The following SLC25A12 variants were observed in gnomAD, a reference collection of about 807,000 sequenced individuals.
SLC25A12 encodes electrogenic aspartate/glutamate antiporter SLC25A12, mitochondrial.
In SLC25A12, 32 loss-of-function variants were observed where a neutral mutation model predicts 83.3. The ratio of observed to expected loss-of-function variants is 0.38; its 90% confidence interval spans 0.29 to 0.52. The LOEUF (loss-of-function observed/expected upper bound fraction) is 0.52, where lower values mean the gene tolerates loss of function less well. Ranked by LOEUF, SLC25A12 falls within the 20% of genes least tolerant of loss-of-function variation. The pLI is 0.84. For synonymous variants in SLC25A12, 267 were observed against 291.1 expected, an observed-to-expected ratio of 0.92 and a Z score of 0.84; for missense variants, 611 against 835.6, an observed-to-expected ratio of 0.73 and a Z score of 3.31.
At chr2:171,860,592 ACT>A (rs1397964023) in intron 3 of SLC25A12, among the ~76,000 whole-genome samples, 8 of 152,034 alleles carry the variant, frequency 5.3e-5, no homozygotes, top group African/African-American at 1.9e-4. Context: ...ACAGAGACAC[ACT>A]CTGTCTCACA....
At chr2:171,813,548 A>G (rs776559247) in intron 10 of SLC25A12, 51 bp from the exon 11 acceptor site, 206 of 1,567,642 alleles carry the variant, frequency 1.3e-4, no homozygotes, top group Non-Finnish European at 1.8e-4. Context: ...TTAAATGGAG[A>G]GTCCATAAGG....
At chr2:171,864,063 T>C (rs1310408068) in intron 3 of SLC25A12, among the ~76,000 whole-genome samples, 1 of 152,240 alleles carries the variant, frequency 6.6e-6, no homozygotes, top group Non-Finnish European at 1.5e-5. Context: ...GACACCAATC[T>C]TTCTACTTTA....
In SLC25A12 at chr2:171,798,891, T is replaced by C. The variant is rs140082205; in HGVS notation, c.1306-5124A>G. 8.1e-3 allele frequency among the ~76,000 whole-genome samples: 1,236 copies of C among 152,326 alleles called. 27 individuals are homozygous for C. The highest frequency in any genetic ancestry group is 0.028 in the African/African-American group (1,169 of 41,564). ...CCCACAATGCATATGTTGGAACTAA[T>C]ATCCAACATTATAGTATTAAGAAGT... On this transcript the variant is annotated intron_variant, in intron 13 of 17. Transcript: ENST00000422440.
chr2:171,803,024 C>G (rs1269833509), intron 13 of SLC25A12, among the ~76,000 whole-genome samples: 1 of 151,176 alleles, frequency 6.6e-6, no homozygotes, highest in Non-Finnish European at 1.5e-5. Flanking sequence ...AGAGCATGTA[C>G]ACATGTATAT....
chr2:171,824,711 C>T (rs1464576742), intron 9 of SLC25A12, among the ~76,000 whole-genome samples: 1 of 151,856 alleles, frequency 6.6e-6, no homozygotes, highest in African/African-American at 2.4e-5. Context: ...TTTTATTAAA[C>T]ATAATTTTAT....
intron 2 of SLC25A12, among the ~76,000 whole-genome samples, chr2:171,876,543 T>TGGGC (rs1553477081): frequency 0.015 from 455 of 29,496 alleles, 26 homozygotes; most frequent in East Asian, 0.051. Context: ...TTTTTTTTTT[T>TGGGC]GGGGGGGGGG....
chr2:171,811,115 C>T (rs1430268685), intron 11 of SLC25A12, among the ~76,000 whole-genome samples: 1 of 152,154 alleles, frequency 6.6e-6, no homozygotes, highest in East Asian at 1.9e-4. Context: ...TTTAAAGATG[C>T]TAACAATAAA....
At chr2:171,890,429 G>A (rs1301525375) in intron 2 of SLC25A12, among the ~76,000 whole-genome samples, 1 of 151,942 alleles carries the variant, frequency 6.6e-6, no homozygotes, top group Non-Finnish European at 1.5e-5. Flanking sequence ...CTTTTACTTG[G>A]TAACTATCCT....
At chr2:171,878,838 A>C (rs1685624731) in intron 2 of SLC25A12, among the ~76,000 whole-genome samples, 1 of 152,236 alleles carries the variant, frequency 6.6e-6, no homozygotes, top group African/African-American at 2.4e-5. Context: ...TACTGAGTAT[A>C]TGAAGCTAGT....
At chr2:171,811,639 T>G (rs1260217803) in intron 11 of SLC25A12, among the ~76,000 whole-genome samples, 1 of 152,182 alleles carries the variant, frequency 6.6e-6, no homozygotes, top group East Asian at 1.9e-4. Context: ...ACAGGACTCC[T>G]ACAATCTTCT....
At chr2:171,789,421 G>T (rs375705617) in intron 15 of SLC25A12, among the ~76,000 whole-genome samples, 4 of 152,024 alleles carry the variant, frequency 2.6e-5, no homozygotes, top group Non-Finnish European at 4.4e-5. Flanking sequence ...GTAGAGACGG[G>T]GTTTCACCGT....
At chr2:171,833,122 G>A (rs1249706833) in intron 8 of SLC25A12, among the ~76,000 whole-genome samples, 3 of 152,058 alleles carry the variant, frequency 2.0e-5, no homozygotes, top group Non-Finnish European at 4.4e-5. Context: ...AGCTTCAAAT[G>A]ATCATGCAGC....
Position 171,791,544 on chromosome 2 carries a change from A to G in SLC25A12, c.1492T>C (p.Tyr498His), listed in dbSNP as rs1174844861. 6.2e-7 allele frequency: 1 copy of G among 1,613,740 alleles called. No homozygotes were observed. Among genetic ancestry groups the G allele is most frequent in the African/African-American group, 1.3e-5 (1 of 75,058 alleles). Residue 498 changes from tyrosine to histidine, a missense_variant, in exon 15 of 18, where the codon TAT (tyrosine) becomes CAT (histidine). Physicochemically the swap from Tyr to His is moderately conservative, Grantham distance 83. Around this residue, in one of 3 missense-constraint regions of SLC25A12, gnomAD observed 540 missense variants for 777.5 expected, o/e 0.69. Transcript: ENST00000422440. ...TTGCAATGAGCATAAACAGGAAAAT[A>G]GATTGCAGAGAAGGGAATGTCTCGG... The part of the protein sequence containing the change: ...FLRDIPFSAI[Y>H]FPVYAHCKLL...
chr2:171,788,155 C>A, intron 15 of SLC25A12: 2 of 549,468 alleles, frequency 3.6e-6, no homozygotes, highest in East Asian at 3.1e-5. Context: ...TTATTTTTTC[C>A]TGAATTAAAA....
intron 3 of SLC25A12, among the ~76,000 whole-genome samples, chr2:171,866,726 C>T (rs994300201): frequency 7.9e-5 from 11 of 139,632 alleles, no homozygotes; most frequent in Admixed American, 2.8e-4. Context: ...CAGAGGCGCC[C>T]CTCACCTCCC....
At position 171,849,183 on chromosome 2, in the gene SLC25A12, G is replaced by A. The variant is rs181090190; in HGVS notation, c.326-4675C>T. On this transcript the variant is annotated intron_variant, in intron 4 of 17. Coordinates refer to ENST00000422440, the MANE Select transcript of SLC25A12 (RefSeq NM_003705.5). ...CCACCCTGGGCGACACAGCAAGACC[G>A]TGTCTCAAAATTAATAAATAAATAC... Among the ~76,000 whole-genome samples the A allele has an allele frequency of 6.6e-5, 10 of 151,904 alleles. No homozygotes were observed. The South Asian group carries it at 8.3e-4, about 13-fold the overall frequency.
intron 2 of SLC25A12, among the ~76,000 whole-genome samples, chr2:171,878,458 T>C (rs886202315): frequency 6.6e-6 from 1 of 152,226 alleles, no homozygotes; most frequent in African/African-American, 2.4e-5. Context: ...GCTTAGTGAA[T>C]TCTTCTGCTT....
chr2:171,889,136 C>A (rs867659366), intron 2 of SLC25A12, among the ~76,000 whole-genome samples: 1 of 152,182 alleles, frequency 6.6e-6, no homozygotes, highest in Non-Finnish European at 1.5e-5. Context: ...AGCCCCTGAT[C>A]CTCTGCCTTG....
At chr2:171,889,638 C>CT (rs1188308101) in intron 2 of SLC25A12, among the ~76,000 whole-genome samples, 2 of 152,106 alleles carry the variant, frequency 1.3e-5, no homozygotes, top group African/African-American at 4.8e-5. Flanking sequence ...TGTAAAGAAA[C>CT]TTTTTAAATT....
Sources: gnomAD v4.1 joint callset for allele counts (sites outside exome capture counted in the v4.1 genomes callset) on GRCh38, gnomAD v4.1.1 for gene constraint, gnomAD v4.1.1 regional missense constraint, MANE v1.5 for transcripts, NCBI Gene and HGNC (gene_info 2026-07-23, HGNC 2026-07-21) for gene names.